Variants in CCDC138 observed in about 807,000 individuals in gnomAD.
CCDC138 encodes coiled-coil domain-containing protein 138.
CCDC138 carries 66 observed loss-of-function variants against 82.3 expected under a neutral mutation model. That is an observed-to-expected ratio of 0.80 (90% CI 0.66 to 0.98). CCDC138 has a LOEUF of 0.98. CCDC138 is among the 50% of genes least tolerant of loss of function. The pLI, the probability that CCDC138 is intolerant of heterozygous loss-of-function variation, is 0.00. For missense variants in CCDC138, 816 were observed against 758.9 expected, an observed-to-expected ratio of 1.08 and a Z score of -0.88; for synonymous variants, 297 against 265.4, an observed-to-expected ratio of 1.12 and a Z score of -1.16.
At chr2:108,841,627 A>G (rs190030052) in intron 11 of CCDC138, among the ~76,000 whole-genome samples, 1 of 152,166 alleles carries the variant, frequency 6.6e-6, no homozygotes, top group East Asian at 1.9e-4. Context: ...TGACCTGCTT[A>G]TATCTAGAAT....
chr2:108,833,077 G>C (rs373012208), intron 10 of CCDC138, among the ~76,000 whole-genome samples: 11 of 152,268 alleles, frequency 7.2e-5, no homozygotes, highest in African/African-American at 2.2e-4. Context: ...GCAAAAACTG[G>C]AGTAAAGAGA....
At chr2:108,871,370 T>TAAAAAAAAAAAAAAAAAAAAAAAAAA in intron 13 of CCDC138, among the ~76,000 whole-genome samples, 1 of 76,672 alleles carries the variant, frequency 1.3e-5, no homozygotes, top group South Asian at 4.5e-4. Context: ...CCAACTCTAT[T>TAAAAAAAAAAAAAAAAAAAAAAAAAA]AAAAAAAAAA....
chr2:108,834,214 A>ATTT (rs111563636), intron 10 of CCDC138, among the ~76,000 whole-genome samples: 1 of 139,662 alleles, frequency 7.2e-6, no homozygotes, highest in African/African-American at 2.7e-5. Flanking sequence ...CATCTTTGAA[A>ATTT]TTTTTTTTTT....
intron 13 of CCDC138, among the ~76,000 whole-genome samples, chr2:108,862,863 T>C (rs544803693): frequency 9.2e-5 from 14 of 152,280 alleles, no homozygotes; most frequent in Admixed American, 9.2e-4. Context: ...GCTATGTTTA[T>C]CTGTTTAAAA....
intron 10 of CCDC138, among the ~76,000 whole-genome samples, chr2:108,829,263 G>A (rs549011676): frequency 3.9e-5 from 6 of 152,028 alleles, no homozygotes; most frequent in Admixed American, 2.6e-4. Flanking sequence ...AATATATAAG[G>A]AACTCCTTCA....
chr2:108,840,997 G>A (rs904255591), intron 11 of CCDC138, among the ~76,000 whole-genome samples: 2 of 151,174 alleles, frequency 1.3e-5, no homozygotes, highest in Non-Finnish European at 3.0e-5. Flanking sequence ...TTTTTTGTGT[G>A]TGTGTTTTTT....
chr2:108,855,886 G>C lies in CCDC138; in HGVS notation c.1517-908G>C, dbSNP rs866852495. On this transcript the variant is annotated intron_variant, in intron 12 of 14. Transcript: ENST00000295124. Reference sequence around the variant, plus strand: ...ACTTTCAGTATTTCATGGTGCTCTTGAGTCTTCTCCTTTAAACAGAAATCT... The same window carrying C: ...ACTTTCAGTATTTCATGGTGCTCTTCAGTCTTCTCCTTTAAACAGAAATCT... Among the ~76,000 whole-genome samples the C allele has an allele frequency of 6.5e-4, 99 of 152,164 alleles. 1 individual carries two copies. The highest frequency in any genetic ancestry group is 1.8e-4 in the Non-Finnish European group (12 of 68,026).
At chr2:108,788,441 G>A (rs769486722) in intron 2 of CCDC138, among the ~76,000 whole-genome samples, 2 of 150,136 alleles carry the variant, frequency 1.3e-5, no homozygotes, top group Non-Finnish European at 3.0e-5. Flanking sequence ...AAAATAGGCT[G>A]CGCGCGGTGG....
At chr2:108,870,130 A>G (rs764512030) in intron 13 of CCDC138, among the ~76,000 whole-genome samples, 7 of 152,194 alleles carry the variant, frequency 4.6e-5, no homozygotes, top group Non-Finnish European at 1.0e-4. Flanking sequence ...AATCAGGGAA[A>G]TGATACATGA....
At chr2:108,821,059 A>G (rs2150043341) in intron 10 of CCDC138, among the ~76,000 whole-genome samples, 1 of 152,326 alleles carries the variant, frequency 6.6e-6, no homozygotes, top group South Asian at 2.1e-4. Context: ...AATACAACAT[A>G]TAAAGATATA....
At chr2:108,805,963 A>G (rs1476859371) in intron 7 of CCDC138, among the ~76,000 whole-genome samples, 1 of 152,070 alleles carries the variant, frequency 6.6e-6, no homozygotes, top group Non-Finnish European at 1.5e-5. Flanking sequence ...AAATGAAAGC[A>G]TTGGGCTGGG....
chr2:108,795,298 G>T (rs1289004183), intron 5 of CCDC138, among the ~76,000 whole-genome samples: 6 of 151,788 alleles, frequency 4.0e-5, no homozygotes, highest in Non-Finnish European at 8.8e-5. Flanking sequence ...GGGATTACAG[G>T]TGCACCCCAT....
At chr2:108,882,487 T>C (rs1696319896) in intron 1 of CCDC138, 1 of 152,360 alleles carries the variant, frequency 6.6e-6, no homozygotes, top group South Asian at 2.1e-4. Flanking sequence ...TTTGGAATTC[T>C]CTAAAAGTGT....
chr2:108,804,097 ATC>A (rs1260263058), intron 6 of CCDC138, among the ~76,000 whole-genome samples: 1 of 152,000 alleles, frequency 6.6e-6, no homozygotes, highest in Non-Finnish European at 1.5e-5. Flanking sequence ...AGATTTGTGT[ATC>A]TATTTTTATT....
At chr2:108,830,074 G>A (rs1687303011) in intron 10 of CCDC138, among the ~76,000 whole-genome samples, 1 of 152,158 alleles carries the variant, frequency 6.6e-6, no homozygotes, top group Non-Finnish European at 1.5e-5. Context: ...ACATACACAA[G>A]ACTATTATTC....
chr2:108,884,218 T>C (rs1287795032), intron 2 of CCDC138: 1 of 152,398 alleles, frequency 6.6e-6, no homozygotes, highest in Non-Finnish European at 1.5e-5. Flanking sequence ...TGTGAACTTT[T>C]AGTAAGTCAC....
chr2:108,879,444 G>C (rs1413966840), downstream of CCDC138, among the ~76,000 whole-genome samples: 1 of 152,122 alleles, frequency 6.6e-6, no homozygotes, highest in Non-Finnish European at 1.5e-5. Context: ...CATGAATCTG[G>C]TATCAAACAG....
At chr2:108,854,444 T>C (rs2104563261) in intron 12 of CCDC138, among the ~76,000 whole-genome samples, 1 of 152,260 alleles carries the variant, frequency 6.6e-6, no homozygotes, top group South Asian at 2.1e-4. Context: ...AATGAGAGAA[T>C]TGATGTAAAG....
At chr2:108,880,543 A>T (rs1423309514), downstream of CCDC138, among the ~76,000 whole-genome samples, 1 of 151,996 alleles carries the variant, frequency 6.6e-6, no homozygotes, top group Non-Finnish European at 1.5e-5. Flanking sequence ...GGACAGGCTG[A>T]CTCTCTTGTT....
Sources: allele counts gnomAD v4.1 joint callset (sites outside exome capture counted in the v4.1 genomes callset), GRCh38; gene constraint gnomAD v4.1.1; transcripts MANE v1.5; gene names NCBI Gene and HGNC (gene_info 2026-07-23, HGNC 2026-07-21).